The following RALYL variants were observed in gnomAD, a reference collection of about 807,000 sequenced individuals.
The protein encoded by RALYL is RNA-binding Raly-like protein.
RALYL carries 29 observed loss-of-function variants against 35.1 expected under a neutral mutation model. The ratio of observed to expected loss-of-function variants is 0.83; its 90% CI spans 0.61 to 1.13. The LOEUF (loss-of-function observed/expected upper bound fraction) is 1.13. Ranked by LOEUF, RALYL falls within the 50% of genes most tolerant of loss-of-function variation. The pLI, the probability that RALYL is intolerant of heterozygous loss-of-function variation, is 0.00. For missense variants in RALYL, 359 were observed against 360.4 expected (o/e 1.00, Z 0.03); for synonymous variants, 120 against 127.6 (o/e 0.94, Z 0.40).
intron 7 of RALYL, among the ~76,000 whole-genome samples, chr8:84,879,986 G>C (rs28502471): frequency 0.016 from 2,378 of 152,190 alleles, 48 homozygotes; most frequent in African/African-American, 0.054. Context: ...TTGAATTCTA[G>C]AATGAGCTAA....
intron 5 of RALYL, among the ~76,000 whole-genome samples, chr8:84,853,938 C>T (rs1384028966): frequency 2.0e-5 from 3 of 152,130 alleles, no homozygotes; most frequent in Admixed American, 2.0e-4. Flanking sequence ...AAATTAATTC[C>T]TAACTCATGA....
intron 2 of RALYL, among the ~76,000 whole-genome samples, chr8:84,689,848 A>G (rs190174498): frequency 2.6e-4 from 39 of 152,202 alleles, no homozygotes; most frequent in Admixed American, 2.6e-3. Context: ...GGATTTTTTC[A>G]TGTGCTTTTT....
At chr8:84,808,278 GT>G (rs1378492057) in intron 4 of RALYL, among the ~76,000 whole-genome samples, 1 of 152,054 alleles carries the variant, frequency 6.6e-6, no homozygotes, top group African/African-American at 2.4e-5. Flanking sequence ...CCCACTTTAT[GT>G]TTTTGTTTGC....
chr8:84,639,796 G>C (rs1825935942), intron 2 of RALYL, among the ~76,000 whole-genome samples: 1 of 151,936 alleles, frequency 6.6e-6, no homozygotes, highest in South Asian at 2.1e-4. Flanking sequence ...CTCTAAGCAA[G>C]ACAGGCATGA....
intron 1 of RALYL, among the ~76,000 whole-genome samples, chr8:84,309,478 A>G (rs1190248202): frequency 6.6e-6 from 1 of 151,984 alleles, no homozygotes; most frequent in East Asian, 1.9e-4. Flanking sequence ...CCTCTCTATA[A>G]CACTTTTATT....
intron 1 of RALYL, among the ~76,000 whole-genome samples, chr8:84,449,736 C>A (rs1317530453): frequency 6.6e-6 from 1 of 152,008 alleles, no homozygotes; most frequent in Non-Finnish European, 1.5e-5. Context: ...GAAATATACT[C>A]TCTACCTTGA....
intron 1 of RALYL, among the ~76,000 whole-genome samples, chr8:84,228,942 A>G (rs1464796174): frequency 1.3e-5 from 2 of 152,146 alleles, no homozygotes; most frequent in African/African-American, 4.8e-5. Context: ...CCCTTGACAC[A>G]TGGGTATTAT....
intron 5 of RALYL, among the ~76,000 whole-genome samples, chr8:84,854,795 G>T (rs1284449002): frequency 1.3e-5 from 2 of 152,202 alleles, no homozygotes; most frequent in African/African-American, 4.8e-5. Context: ...AAGATTTGGG[G>T]TCTCAGAAAT....
In RALYL at chr8:84,729,653, A is replaced by G. The variant is rs557605448; in HGVS notation, c.257-44926A>G. Among the ~76,000 whole-genome samples the G allele has an allele frequency of 3.9e-5, 6 of 152,248 alleles. No homozygotes were observed. The South Asian group carries it at 8.3e-4, about 21-fold the overall frequency. On this transcript the variant is annotated intron_variant, in intron 2 of 8. Coordinates refer to ENST00000521268, the MANE Select transcript of RALYL (RefSeq NM_173848.7). The stretch of plus-strand genomic sequence containing the variant: ...GACCGCTAGCAAGACTAGTAAAGAA[A>G]AAAAGAGAGAAGAATCAAATAGACG...
At chr8:84,839,875 C>T (rs1294468708) in intron 4 of RALYL, among the ~76,000 whole-genome samples, 1 of 152,198 alleles carries the variant, frequency 6.6e-6, no homozygotes, top group Non-Finnish European at 1.5e-5. Flanking sequence ...AGTGGACCTC[C>T]AGCAAACTCC....
chr8:84,729,386 G>T (rs28787937), intron 2 of RALYL, among the ~76,000 whole-genome samples: 2 of 151,966 alleles, frequency 1.3e-5, no homozygotes, highest in African/African-American at 2.4e-5. Context: ...TCAAAGAAGT[G>T]TGTAGAGGGA....
At chr8:84,378,158 C>T (rs576681928) in intron 1 of RALYL, among the ~76,000 whole-genome samples, 2 of 151,886 alleles carry the variant, frequency 1.3e-5, no homozygotes, top group Non-Finnish European at 2.9e-5. Context: ...TTCAAGGTAA[C>T]ATTTATGCTT....
chr8:84,871,373 A>G (rs1353798502), intron 6 of RALYL, among the ~76,000 whole-genome samples: 2 of 152,192 alleles, frequency 1.3e-5, no homozygotes, highest in African/African-American at 2.4e-5. Flanking sequence ...TGGGCTAAGG[A>G]GTAGCTCTAG....
intron 2 of RALYL, among the ~76,000 whole-genome samples, chr8:84,568,891 TG>T (rs1807165784): frequency 6.6e-6 from 1 of 151,836 alleles, no homozygotes; most frequent in African/African-American, 2.4e-5. Context: ...CACTTGTTGA[TG>T]GGGTTGTTTT....
intron 1 of RALYL, among the ~76,000 whole-genome samples, chr8:84,358,291 G>T (rs1852263419): frequency 6.6e-6 from 1 of 151,788 alleles, no homozygotes; most frequent in African/African-American, 2.4e-5. Context: ...CATTTAATTA[G>T]TTTATAAAGC....
intron 1 of RALYL, among the ~76,000 whole-genome samples, chr8:84,319,109 G>T (rs1182035660): frequency 1.3e-5 from 2 of 152,132 alleles, no homozygotes; most frequent in Admixed American, 1.3e-4. Context: ...CCATGTGACT[G>T]ATTATCAGCC....
intron 1 of RALYL, among the ~76,000 whole-genome samples, chr8:84,348,648 A>G (rs1324108938): frequency 6.6e-6 from 1 of 152,152 alleles, no homozygotes; most frequent in Non-Finnish European, 1.5e-5. Context: ...AGTTAAAAAT[A>G]ACAAGAAAAC....
At chr8:84,557,674 A>C (rs1484533341) in intron 2 of RALYL, among the ~76,000 whole-genome samples, 1 of 152,188 alleles carries the variant, frequency 6.6e-6, no homozygotes, top group East Asian at 1.9e-4. Flanking sequence ...TTTACAATAG[A>C]GTTGGCACTA....
intron 4 of RALYL, among the ~76,000 whole-genome samples, chr8:84,818,667 T>C (rs1477725883): frequency 6.6e-6 from 1 of 152,166 alleles, no homozygotes; most frequent in Non-Finnish European, 1.5e-5. Context: ...AGTGGAGCCA[T>C]TCAATGATGT....
Sources: gnomAD v4.1 joint callset for allele counts (sites outside exome capture counted in the v4.1 genomes callset) on GRCh38, gnomAD v4.1.1 for gene constraint, MANE v1.5 for transcripts, NCBI Gene and HGNC (gene_info 2026-07-23, HGNC 2026-07-21) for gene names.